CNTN1: variants seen among roughly 807,000 people sequenced by gnomAD.
The protein encoded by CNTN1 is contactin 1, also known as contactin-1.
Under a neutral mutation model 126.4 loss-of-function variants are expected in CNTN1, and 38 were observed. That is an observed-to-expected ratio of 0.30 (90% CI 0.23 to 0.39). The LOEUF (loss-of-function observed/expected upper bound fraction) is 0.39. CNTN1 is among the 10% of genes least tolerant of loss of function. The probability of loss-of-function intolerance (pLI) is 1.00; values close to 1 mark genes in which losing one functional copy is unlikely to be tolerated. For missense variants in CNTN1, 1,009 were observed against 1,248.4 expected (o/e 0.81, Z 2.89); for synonymous variants, 413 against 422.6 (o/e 0.98, Z 0.28).
intron 1 of CNTN1, among the ~76,000 whole-genome samples, chr12:40,886,126 C>G (rs898397199): frequency 6.6e-6 from 1 of 151,988 alleles, no homozygotes. Flanking sequence ...TATAATCATA[C>G]CGTATGCAAA....
chr12:41,014,423 C>T, intron 18 of CNTN1, 125 bp downstream of exon 18: 1 of 972,604 alleles, frequency 1.0e-6, no homozygotes, highest in Non-Finnish European at 1.6e-6. Context: ...GAATATATTA[C>T]TATTTTTTTT....
chr12:40,788,969 T>G (rs1940128041), intron 1 of CNTN1, among the ~76,000 whole-genome samples: 1 of 152,152 alleles, frequency 6.6e-6, no homozygotes, highest in Admixed American at 6.5e-5. Flanking sequence ...TCATTGCTAT[T>G]TTTCATTTTC....
At chr12:40,773,654 TACACATATATATATATATACAC>T (rs1565715543) in intron 1 of CNTN1, among the ~76,000 whole-genome samples, 8 of 5,480 alleles carry the variant, frequency 1.5e-3, no homozygotes, top group African/African-American at 2.0e-3. Context: ...TATATATATA[TACACATATATATATATATACAC>T]ATATATATAT....
intron 1 of CNTN1, among the ~76,000 whole-genome samples, chr12:40,731,944 A>G (rs114251800): frequency 0.022 from 3,316 of 152,128 alleles, 52 homozygotes; most frequent in African/African-American, 0.045. Context: ...ATTACTTTAT[A>G]ATATTTCACT....
At chr12:40,937,781 T>G (rs904038511) in intron 11 of CNTN1, 94 bp downstream of exon 11, 1 of 797,200 alleles carries the variant, frequency 1.3e-6, no homozygotes, top group Non-Finnish European at 2.3e-6. Context: ...TACCCAGTAT[T>G]GTGTTAGGTG....
At chr12:40,877,848 A>C (rs1943721361) in intron 1 of CNTN1, among the ~76,000 whole-genome samples, 1 of 152,104 alleles carries the variant, frequency 6.6e-6, no homozygotes, top group African/African-American at 2.4e-5. Flanking sequence ...AGTGACCCAA[A>C]TTTATTATAG....
chr12:40,991,671 T>C (rs1000971587), intron 16 of CNTN1, among the ~76,000 whole-genome samples: 1 of 151,930 alleles, frequency 6.6e-6, no homozygotes, highest in Non-Finnish European at 1.5e-5. Flanking sequence ...CTACTACAAA[T>C]ACAAAAATTA....
At chr12:40,939,625 TGG>T in intron 12 of CNTN1, 140 bp downstream of exon 12, 1 of 832,026 alleles carries the variant, frequency 1.2e-6, no homozygotes, top group South Asian at 1.6e-5. Context: ...AGTTCTAAGA[TGG>T]ACAGAAATAC....
intron 23 of CNTN1, among the ~76,000 whole-genome samples, chr12:41,033,484 C>T (rs891144768): frequency 3.3e-5 from 5 of 151,972 alleles, no homozygotes; most frequent in African/African-American, 1.2e-4. Flanking sequence ...AGTGAGCATG[C>T]ATATTTTAAG....
intron 1 of CNTN1, among the ~76,000 whole-genome samples, chr12:40,697,433 T>C (rs1182963090): frequency 6.6e-6 from 1 of 152,206 alleles, no homozygotes; most frequent in African/African-American, 2.4e-5. Flanking sequence ...TTTATTGGAG[T>C]GTTCATATTT....
At chr12:40,947,418 A>G (rs1946470635) in intron 14 of CNTN1, among the ~76,000 whole-genome samples, 1 of 152,064 alleles carries the variant, frequency 6.6e-6, no homozygotes, top group Admixed American at 6.6e-5. Flanking sequence ...TTCAAGTCCA[A>G]TTATAAAGTG....
intron 1 of CNTN1, among the ~76,000 whole-genome samples, chr12:40,881,750 T>C (rs1456522903): frequency 6.6e-6 from 1 of 151,774 alleles, no homozygotes; most frequent in Non-Finnish European, 1.5e-5. Context: ...GAGTAGGTGA[T>C]TTGGGTTTAC....
intron 1 of CNTN1, among the ~76,000 whole-genome samples, chr12:40,721,529 T>G (rs1411440119): frequency 1.3e-5 from 2 of 151,866 alleles, no homozygotes; most frequent in Non-Finnish European, 2.9e-5. Flanking sequence ...TCTGCTGAAT[T>G]GGGACATCTT....
chr12:40,822,294 A>G (rs964232727), intron 1 of CNTN1, among the ~76,000 whole-genome samples: 2 of 151,404 alleles, frequency 1.3e-5, no homozygotes. Flanking sequence ...AGCTGGGATT[A>G]CAGGTGCCCG....
chr12:40,813,047 C>CTTTCTTTCTTTCTTTCTTTCTTTCT (rs1565773047), intron 1 of CNTN1, among the ~76,000 whole-genome samples: 24 of 106,118 alleles, frequency 2.3e-4, no homozygotes, highest in African/African-American at 8.3e-4. Context: ...TCCTTTCTTT[C>CTTTCTTTCTTTCTTTCTTTCTTTCT]TTTCTTTCTT....
intron 1 of CNTN1, among the ~76,000 whole-genome samples, chr12:40,760,635 A>G (rs1282117277): frequency 2.0e-5 from 3 of 152,206 alleles, no homozygotes; most frequent in Admixed American, 2.0e-4. Context: ...TGATTTTAAA[A>G]GCTTTTTATT....
intron 23 of CNTN1, among the ~76,000 whole-genome samples, chr12:41,033,371 A>G (rs1347088279): frequency 1.3e-5 from 2 of 152,212 alleles, no homozygotes. Flanking sequence ...CCATAAGCTA[A>G]TTTGGATTAC....
chr12:41,044,501 G>A (rs1481194644), intron 23 of CNTN1, among the ~76,000 whole-genome samples: 3 of 152,060 alleles, frequency 2.0e-5, no homozygotes, highest in Non-Finnish European at 4.4e-5. Flanking sequence ...CATAAAAATT[G>A]TAAATGTTTT....
At chr12:40,904,399 T>C (rs1008499041) in intron 1 of CNTN1, among the ~76,000 whole-genome samples, 1 of 143,916 alleles carries the variant, frequency 6.9e-6, no homozygotes, top group Non-Finnish European at 1.5e-5. Flanking sequence ...CCTTCCTTCT[T>C]CCCTCCCTCT....
Sources: allele counts gnomAD v4.1 joint callset (sites outside exome capture counted in the v4.1 genomes callset), GRCh38; gene constraint gnomAD v4.1.1; transcripts MANE v1.5; gene names NCBI Gene and HGNC (gene_info 2026-07-23, HGNC 2026-07-21).